The following APLF variants were observed in gnomAD, a reference collection of about 807,000 sequenced individuals.
APLF encodes the protein aprataxin and PNKP like factor.
In APLF, 61 loss-of-function variants were observed where a neutral mutation model predicts 55.6. That is an observed-to-expected ratio of 1.10 (90% CI 0.89 to 1.36). APLF has a LOEUF of 1.36. Among genes scored for constraint, APLF ranks in the 40% most tolerant of loss-of-function variants. APLF has a pLI of 0.00. For synonymous variants in APLF, 207 were observed against 214.8 expected (o/e 0.96, Z 0.32); for missense variants, 611 against 602.5 (o/e 1.01, Z -0.15).
At chr2:68,477,949 C>T (rs924401297) in intron 1 of APLF, among the ~76,000 whole-genome samples, 1 of 150,896 alleles carries the variant, frequency 6.6e-6, no homozygotes, top group Non-Finnish European at 1.5e-5. Flanking sequence ...GGGATTGTTA[C>T]AATACAAGGT....
chr2:68,548,261 A>T (rs559295790), intron 8 of APLF, among the ~76,000 whole-genome samples: 33 of 152,080 alleles, frequency 2.2e-4, no homozygotes, highest in South Asian at 1.0e-3. Flanking sequence ...CTACATTAAA[A>T]GTAAGGTGTT....
chr2:68,559,497 T>C (rs908618550), intron 8 of APLF, among the ~76,000 whole-genome samples: 26 of 152,130 alleles, frequency 1.7e-4, no homozygotes, highest in African/African-American at 6.3e-4. Flanking sequence ...TTGATTTTTA[T>C]CATGAAAACA....
chr2:68,571,959 G>T (rs538172481), intron 9 of APLF, among the ~76,000 whole-genome samples: 1 of 152,074 alleles, frequency 6.6e-6, no homozygotes, highest in Non-Finnish European at 1.5e-5. Flanking sequence ...CTAGGTGATT[G>T]ATACCATTTG....
chr2:68,469,960 A>C (rs1038665804), intron 1 of APLF, among the ~76,000 whole-genome samples: 5 of 152,330 alleles, frequency 3.3e-5, no homozygotes, highest in African/African-American at 1.2e-4. Flanking sequence ...TGGTAGTAAA[A>C]CAGTTTGACA....
intron 9 of APLF, among the ~76,000 whole-genome samples, chr2:68,571,141 TTG>T (rs1450537514): frequency 1.3e-5 from 2 of 152,096 alleles, no homozygotes; most frequent in Non-Finnish European, 2.9e-5. Flanking sequence ...TTTGATGGGG[TTG>T]TTTTTTTTTC....
chr2:68,579,142 A>T lies in APLF; in HGVS notation c.*1120A>T, dbSNP rs973707430. On this transcript the variant is annotated 3_prime_UTR_variant, in exon 10 of 10. Coordinates refer to ENST00000303795, the MANE Select transcript of APLF (RefSeq NM_173545.3). Reference sequence around the variant, plus strand: ...CTACTCTAAAGGAACCTAAAAATTTATATCTTAAAAGATCAAAACATATTT... The same window carrying T: ...CTACTCTAAAGGAACCTAAAAATTTTTATCTTAAAAGATCAAAACATATTT... 1.2e-5 allele frequency: 10 copies of T among 856,876 alleles called. No homozygotes were observed. Among genetic ancestry groups the T allele is most frequent in the Admixed American group, 6.2e-5 (1 of 16,062 alleles). The allele number at this position is 856,876 out of a possible 1,614,324, so 53.1% of individuals were successfully genotyped here. A position where few individuals can be genotyped will look rare whatever the true frequency, so the allele number is the denominator to read the frequency against.
chr2:68,490,107 G>T lies in APLF; in HGVS notation c.97-83G>T, dbSNP rs112387673. The T allele has an allele frequency of 3.7e-3, 3,245 of 875,998 alleles. 63 individuals carry two copies. In the African/African-American group the frequency reaches 0.046, roughly 13 times the overall value. 54.3% of individuals were successfully genotyped at this position (875,998 alleles called of 1,614,324 possible). ...CTAGTCTACTGATTTCAGAAACATC[G>T]CCAAGGGTTTCGTTTGCCTTTTTGT... On this transcript the variant is annotated intron_variant, in intron 1 of 9. Coordinates refer to ENST00000303795, the MANE Select transcript of APLF (RefSeq NM_173545.3).
At chr2:68,569,431 GATCA>G (rs747124492) in intron 9 of APLF, among the ~76,000 whole-genome samples, 2 of 152,128 alleles carry the variant, frequency 1.3e-5, no homozygotes, top group Non-Finnish European at 2.9e-5. Context: ...GTGAGAAATA[GATCA>G]ATCAAAGACA....
intron 1 of APLF, among the ~76,000 whole-genome samples, chr2:68,472,310 A>G (rs1675641939): frequency 6.6e-6 from 1 of 152,230 alleles, no homozygotes; most frequent in Admixed American, 6.5e-5. Flanking sequence ...TTTTTCCCAC[A>G]AGAGACTTTG....
intron 1 of APLF, among the ~76,000 whole-genome samples, chr2:68,481,483 G>T (rs1255061064): frequency 6.6e-6 from 1 of 151,964 alleles, no homozygotes; most frequent in Non-Finnish European, 1.5e-5. Context: ...TTAGTCTAAT[G>T]GGCATTCCCT....
chr2:68,503,362 TA>T (rs1439249597), intron 3 of APLF, among the ~76,000 whole-genome samples: 1 of 152,122 alleles, frequency 6.6e-6, no homozygotes, highest in African/African-American at 2.4e-5. Context: ...AATGAGGTAT[TA>T]GAATAAATAT....
At chr2:68,528,061 G>A (rs1291456856) in intron 6 of APLF, among the ~76,000 whole-genome samples, 6 of 151,042 alleles carry the variant, frequency 4.0e-5, no homozygotes, top group Non-Finnish European at 7.4e-5. Context: ...CAGACAGTGC[G>A]GTGGCCAAGC....
intron 5 of APLF, among the ~76,000 whole-genome samples, chr2:68,516,735 A>G (rs1179139218): frequency 1.3e-5 from 2 of 149,038 alleles, no homozygotes; most frequent in Non-Finnish European, 1.5e-5. Context: ...ATGCTCTCCA[A>G]TTACATCCAG....
intron 9 of APLF, 107 bp downstream of exon 9, chr2:68,567,494 G>T: frequency 7.3e-6 from 6 of 820,496 alleles, no homozygotes; most frequent in African/African-American, 1.8e-5. Context: ...CTGCTTCTGT[G>T]AATTTGTTGA....
At chr2:68,566,809 G>GT (rs528872700) in intron 8 of APLF, among the ~76,000 whole-genome samples, 326 of 151,758 alleles carry the variant, frequency 2.1e-3, no homozygotes, top group African/African-American at 7.3e-3. Flanking sequence ...TCCAGAATAT[G>GT]TTTTTTTTGT....
At chr2:68,551,505 CAT>C (rs1670858940) in intron 8 of APLF, among the ~76,000 whole-genome samples, 1 of 151,726 alleles carries the variant, frequency 6.6e-6, no homozygotes, top group Non-Finnish European at 1.5e-5. Context: ...CCATGTCCCA[CAT>C]GTTTCTTCTA....
chr2:68,516,648 T>A (rs1004768660), intron 5 of APLF, among the ~76,000 whole-genome samples: 1 of 150,566 alleles, frequency 6.6e-6, no homozygotes, highest in African/African-American at 2.4e-5. Flanking sequence ...CTTTGCATCC[T>A]TATACCTTAG....
intron 5 of APLF, among the ~76,000 whole-genome samples, chr2:68,517,415 A>G (rs548549033): frequency 5.3e-5 from 7 of 132,910 alleles, no homozygotes; most frequent in Admixed American, 4.8e-4. Context: ...ATATCTATAT[A>G]TTACTATATA....
intron 9 of APLF, among the ~76,000 whole-genome samples, chr2:68,568,899 G>A (rs923652301): frequency 6.6e-6 from 1 of 152,014 alleles, no homozygotes; most frequent in African/African-American, 2.4e-5. Flanking sequence ...TATTTTTAAT[G>A]TACTTTCAAA....
Sources: gnomAD v4.1 joint callset for allele counts (sites outside exome capture counted in the v4.1 genomes callset) on GRCh38, gnomAD v4.1.1 for gene constraint, MANE v1.5 for transcripts, NCBI Gene and HGNC (gene_info 2026-07-23, HGNC 2026-07-21) for gene names.